Variants in C12orf60 observed in about 807,000 individuals in gnomAD.
C12orf60 encodes chromosome 12 open reading frame 60.
For synonymous variants in C12orf60, 102 were observed against 94.6 expected, an observed-to-expected ratio of 1.08 and a Z score of -0.45; for missense variants, 284 against 283.2, an observed-to-expected ratio of 1.00 and a Z score of -0.02.
intron 1 of C12orf60, chr12:14,806,173 G>A: frequency 1.9e-6 from 3 of 1,614,084 alleles, no homozygotes; most frequent in Non-Finnish European, 2.5e-6. Context: ...TCTATGCCAA[G>A]GCCAAGAACA....
intron 1 of C12orf60, among the ~76,000 whole-genome samples, chr12:14,817,992 G>C (rs1323574733): frequency 1.3e-5 from 2 of 152,142 alleles, no homozygotes; most frequent in African/African-American, 4.8e-5. Context: ...GCAAGCATCT[G>C]TTGTTTCCTG....
chr12:14,823,282 A>T lies in C12orf60; in HGVS notation c.347A>T (p.Lys116Ile). 3.1e-6 allele frequency: 5 copies of T among 1,614,142 alleles called. No homozygotes were observed. Among genetic ancestry groups the T allele is most frequent in the Non-Finnish European group, 4.2e-6 (5 of 1,180,016 alleles). Reference protein sequence around the residue: ...ELHQSAKEVFKSAHTPVIISV... With the variant: ...ELHQSAKEVFISAHTPVIISV... ...CATCAGTCAGCTAAAGAAGTATTCA[A>T]AAGTGCCCATACGCCAGTCATCATC... Residue 116 changes from lysine to isoleucine, a missense_variant, in exon 2 of 2, where the codon AAA (lysine) becomes ATA (isoleucine). Transcript: ENST00000330828.
At chr12:14,819,543 G>A (rs1235361750) in intron 1 of C12orf60, among the ~76,000 whole-genome samples, 1 of 152,066 alleles carries the variant, frequency 6.6e-6, no homozygotes, top group East Asian at 1.9e-4. Context: ...AGGATTTCCA[G>A]TATGATATTA....
intron 1 of C12orf60, among the ~76,000 whole-genome samples, chr12:14,821,886 G>A (rs1411436970): frequency 6.6e-6 from 1 of 151,674 alleles, no homozygotes; most frequent in Non-Finnish European, 1.5e-5. Flanking sequence ...CTTCTGCCTA[G>A]GGTAGAGTGG....
intron 1 of C12orf60, among the ~76,000 whole-genome samples, chr12:14,821,923 A>T (rs1950311158): frequency 6.7e-6 from 1 of 149,682 alleles, no homozygotes; most frequent in East Asian, 2.0e-4. Context: ...TCCACCCCAT[A>T]AGGACAGCGT....
intron 1 of C12orf60, among the ~76,000 whole-genome samples, chr12:14,809,172 G>T (rs925217905): frequency 6.6e-6 from 1 of 152,092 alleles, no homozygotes; most frequent in Non-Finnish European, 1.5e-5. Context: ...TTATATGAAG[G>T]CATAGTTTCC....
At chr12:14,804,487 C>G (rs1173526225) in intron 1 of C12orf60, among the ~76,000 whole-genome samples, 1 of 152,004 alleles carries the variant, frequency 6.6e-6, no homozygotes, top group Non-Finnish European at 1.5e-5. Flanking sequence ...TTTAAACTGC[C>G]CTTGAAGGTA....
At chr12:14,815,271 G>A (rs542886508) in intron 1 of C12orf60, among the ~76,000 whole-genome samples, 5 of 152,310 alleles carry the variant, frequency 3.3e-5, no homozygotes, top group Admixed American at 6.5e-5. Context: ...TGCCCTTGAT[G>A]TATCCAGGGC....
In C12orf60 at chr12:14,823,583, G is replaced by T. The variant is rs1950340638; in HGVS notation, c.648G>T (p.Lys216Asn). The T allele has an allele frequency of 6.2e-7, 1 of 1,613,360 alleles. No homozygotes were observed. Among genetic ancestry groups the T allele is most frequent in the South Asian group, 1.1e-5 (1 of 90,886 alleles). Residue 216 changes from lysine to asparagine, a missense_variant, in exon 2 of 2, where the codon AAG becomes AAT. Transcript: ENST00000330828. ...SAADLLEQIV[K>N]AMGPILEILQ... is the part of the protein sequence containing the mutation. ...CAGATTTGTTGGAACAAATTGTCAA[G>T]GCTATGGGACCAATCTTAGAGATCC...
intron 1 of C12orf60, among the ~76,000 whole-genome samples, chr12:14,822,573 T>C (rs966542142): frequency 5.3e-5 from 8 of 152,208 alleles, no homozygotes; most frequent in Non-Finnish European, 1.2e-4. Flanking sequence ...ATGTAATTTG[T>C]AATGCTTTAT....
intron 1 of C12orf60, among the ~76,000 whole-genome samples, chr12:14,812,315 G>A (rs1050837408): frequency 1.3e-5 from 2 of 152,180 alleles, no homozygotes; most frequent in Non-Finnish European, 2.9e-5. Context: ...GCGGTGGCGG[G>A]CGCCTGTAGT....
Position 14,806,734 on chromosome 12 carries a change from A to G in C12orf60, c.-25+2983A>G, listed in dbSNP as rs980830564. The stretch of plus-strand genomic sequence containing the variant: ...ATGGTAAATTTTTACTGAAAGTCTT[A>G]AAAAATGTCTGCTAACTGTGTAGAA... On this transcript the variant is annotated intron_variant, in intron 1 of 1. Coordinates refer to ENST00000330828, the MANE Select transcript of C12orf60 (RefSeq NM_175874.4). The G allele has an allele frequency of 4.6e-6, 7 of 1,514,818 alleles. No individual in the cohort carries two copies. In the Admixed American group the frequency reaches 1.3e-4, roughly 28 times the overall value. 93.8% of individuals were successfully genotyped at this position (1,514,818 alleles called of 1,614,324 possible).
At chr12:14,822,763 A>T in intron 1 of C12orf60, 149 bp from the exon 2 acceptor site, 1 of 586,270 alleles carries the variant, frequency 1.7e-6, no homozygotes, top group Non-Finnish European at 2.8e-6. Context: ...TTTTTATTGA[A>T]GCATAGTACC....
chr12:14,806,584 A>AGCT, intron 1 of C12orf60: 1 of 1,614,174 alleles, frequency 6.2e-7, no homozygotes. Flanking sequence ...GTGACATCGA[A>AGCT]GCTGTCAGAT....
At chr12:14,804,593 T>C (rs1950018501) in intron 1 of C12orf60, 2 of 152,228 alleles carry the variant, frequency 1.3e-5, no homozygotes, top group South Asian at 2.1e-4. Context: ...TGACGAGATA[T>C]TGTAGGTTAA....
Position 14,823,774 on chromosome 12 carries a change from T to G in C12orf60, c.*101T>G. 3.5e-6 allele frequency: 4 copies of G among 1,143,640 alleles called. No homozygotes were observed. The highest frequency in any genetic ancestry group is 4.2e-5 in the South Asian group (2 of 47,516). 70.8% of individuals were successfully genotyped at this position (1,143,640 alleles called of 1,614,324 possible). A position where few individuals can be genotyped will look rare whatever the true frequency, so the allele number is the denominator to read the frequency against. ...CTTTTGGTGCCAAACATGTGCTATG[T>G]TAGAACATAAGTACACAAAAGTCAT... is the stretch of plus-strand genomic sequence containing the variant. On this transcript the variant is annotated 3_prime_UTR_variant, in exon 2 of 2. Coordinates refer to ENST00000330828, the MANE Select transcript of C12orf60 (RefSeq NM_175874.4).
rs1950050569 is a variant in C12orf60, at chr12:14,806,403, G to A, written c.-25+2652G>A. ...ATCCTGAAGTTTTCTATAGAGGGTT[G>A]GCTCTAGCTTATCTTTTAGTGCTTC... On this transcript the variant is annotated intron_variant, in intron 1 of 1. Transcript: ENST00000330828. The A allele has an allele frequency of 2.5e-6, 4 of 1,614,030 alleles. No individual in the cohort carries two copies. In the South Asian group the frequency reaches 3.3e-5, roughly 13 times the overall value.
intron 1 of C12orf60, among the ~76,000 whole-genome samples, chr12:14,812,469 A>G (rs1313240866): frequency 6.6e-6 from 1 of 152,084 alleles, no homozygotes; most frequent in East Asian, 1.9e-4. Context: ...TTTATTGGTT[A>G]CGTATACTAT....
intron 1 of C12orf60, chr12:14,806,634 TC>T (rs1950055878): frequency 6.2e-7 from 1 of 1,611,384 alleles, no homozygotes; most frequent in Non-Finnish European, 8.5e-7. Flanking sequence ...ATTTACTTCT[TC>T]CCGCCTTTTT....
Sources: allele counts gnomAD v4.1 joint callset (sites outside exome capture counted in the v4.1 genomes callset), GRCh38; gene constraint gnomAD v4.1.1; transcripts MANE v1.5; gene names NCBI Gene and HGNC (gene_info 2026-07-23, HGNC 2026-07-21).